Variants in SGCD observed in about 807,000 individuals in gnomAD.
SGCD encodes the protein delta-sarcoglycan.
In SGCD, 18 loss-of-function variants were observed where a neutral mutation model predicts 36.6. The observed-to-expected ratio is 0.49, with a 90% confidence interval of 0.34 to 0.73. The LOEUF (loss-of-function observed/expected upper bound fraction) is 0.73, where lower values mean the gene tolerates loss of function less well. SGCD is among the 30% of genes least tolerant of loss of function. SGCD has a pLI of 0.01. For missense variants in SGCD, 387 were observed against 346.7 expected, an observed-to-expected ratio of 1.12 and a Z score of -0.92; for synonymous variants, 133 against 130.6, an observed-to-expected ratio of 1.02 and a Z score of -0.12.
the SGCD span, among the ~76,000 whole-genome samples, chr5:155,739,463 G>A: frequency 1.3e-5 from 2 of 152,180 alleles, no homozygotes; most frequent in African/African-American, 4.8e-5. Context: ...TAAGGGTAAT[G>A]TATAACCATG....
chr5:156,351,498 T>C (rs569615462), intron 3 of SGCD, among the ~76,000 whole-genome samples: 57 of 152,126 alleles, frequency 3.7e-4, no homozygotes, highest in Admixed American at 2.0e-3. Flanking sequence ...GTAATGACAA[T>C]ACCTACCTCC....
chr5:156,088,457 T>G (rs948935033), intron 1 of SGCD, among the ~76,000 whole-genome samples: 3 of 152,004 alleles, frequency 2.0e-5, no homozygotes, highest in Admixed American at 6.6e-5. Flanking sequence ...CATTTTCCTG[T>G]GTAGGTGATA....
At chr5:156,206,823 T>C (rs1233295014) in intron 3 of SGCD, among the ~76,000 whole-genome samples, 1 of 151,940 alleles carries the variant, frequency 6.6e-6, no homozygotes, top group African/African-American at 2.4e-5. Context: ...AAGAAACAAG[T>C]AATTTTTTTA....
chr5:156,515,458 G>T (rs921486912), intron 4 of SGCD, among the ~76,000 whole-genome samples: 4 of 152,126 alleles, frequency 2.6e-5, no homozygotes, highest in African/African-American at 9.7e-5. Context: ...AGGTATCCAG[G>T]TTCTCTCACT....
At chr5:156,375,552 G>T (rs903025959) in intron 3 of SGCD, among the ~76,000 whole-genome samples, 3 of 152,084 alleles carry the variant, frequency 2.0e-5, no homozygotes, top group Non-Finnish European at 4.4e-5. Context: ...CTATAGCTGT[G>T]CTGTGTGATC....
the SGCD span, among the ~76,000 whole-genome samples, chr5:155,832,816 ATAAG>A: frequency 1.3e-5 from 2 of 151,472 alleles, no homozygotes; most frequent in Non-Finnish European, 2.9e-5. Context: ...ATTTTAATTA[ATAAG>A]TAAGTTTCAT....
chr5:156,362,565 G>A (rs1317005587), intron 3 of SGCD, among the ~76,000 whole-genome samples: 1 of 152,162 alleles, frequency 6.6e-6, no homozygotes, highest in East Asian at 1.9e-4. Flanking sequence ...AGAATCACTT[G>A]AACCCGGGAG....
chr5:155,968,271 T>A (rs1304372945), intron 1 of SGCD, among the ~76,000 whole-genome samples: 2 of 152,138 alleles, frequency 1.3e-5, no homozygotes, highest in Non-Finnish European at 2.9e-5. Context: ...AATCTTAGAA[T>A]TAGGAAATTT....
At chr5:156,014,732 A>T (rs556136702) in intron 1 of SGCD, among the ~76,000 whole-genome samples, 1 of 152,118 alleles carries the variant, frequency 6.6e-6, no homozygotes, top group Non-Finnish European at 1.5e-5. Context: ...CTTGTCCAAG[A>T]GCAGTTTATT....
the SGCD span, among the ~76,000 whole-genome samples, chr5:155,798,736 C>T: frequency 0.017 from 2,583 of 152,224 alleles, 83 homozygotes; most frequent in African/African-American, 0.058. Flanking sequence ...TGAAGGAGTA[C>T]ATTTAAAACA....
intron 1 of SGCD, among the ~76,000 whole-genome samples, chr5:156,058,296 C>A (rs1374352435): frequency 2.1e-5 from 3 of 146,322 alleles, no homozygotes; most frequent in Non-Finnish European, 3.1e-5. Flanking sequence ...CAGGAGACAA[C>A]CTAGATTCTT....
At chr5:156,367,616 C>T (rs1770172891) in intron 3 of SGCD, among the ~76,000 whole-genome samples, 1 of 151,170 alleles carries the variant, frequency 6.6e-6, no homozygotes, top group Admixed American at 6.6e-5. Context: ...GATCTTTGAC[C>T]CTGAAGGGAT....
intron 3 of SGCD, among the ~76,000 whole-genome samples, chr5:156,305,885 G>A (rs1416981296): frequency 6.6e-6 from 1 of 152,216 alleles, no homozygotes; most frequent in African/African-American, 2.4e-5. Flanking sequence ...TGACTGCCCT[G>A]CTGGATTTTA....
intron 3 of SGCD, among the ~76,000 whole-genome samples, chr5:156,432,507 G>A (rs368228663): frequency 2.6e-5 from 4 of 152,148 alleles, no homozygotes; most frequent in East Asian, 1.9e-4. Context: ...GGCATTGGGC[G>A]GGGCCATAAA....
intron 4 of SGCD, among the ~76,000 whole-genome samples, chr5:156,551,241 A>C (rs1448585863): frequency 6.6e-6 from 1 of 152,242 alleles, no homozygotes; most frequent in Non-Finnish European, 1.5e-5. Context: ...CCACAATTTC[A>C]GAACATCTTT....
chr5:156,696,092 G>C (rs1336984272), intron 7 of SGCD, among the ~76,000 whole-genome samples: 1 of 152,200 alleles, frequency 6.6e-6, no homozygotes, highest in Admixed American at 6.5e-5. Context: ...CTCACCTTGA[G>C]ACTCTGGAAC....
intron 3 of SGCD, among the ~76,000 whole-genome samples, chr5:156,189,480 G>A (rs151213865): frequency 1.4e-3 from 206 of 152,286 alleles, no homozygotes; most frequent in African/African-American, 4.7e-3. Context: ...TATGAAATGA[G>A]AGTTAGGAAA....
chr5:156,712,686 G>A (rs757548815), intron 7 of SGCD, among the ~76,000 whole-genome samples: 17 of 152,192 alleles, frequency 1.1e-4, no homozygotes, highest in Admixed American at 3.3e-4. Flanking sequence ...CCCAGTTCAC[G>A]CAGCGGAGCA....
intron 3 of SGCD, among the ~76,000 whole-genome samples, chr5:156,203,008 A>G (rs1043247075): frequency 6.6e-6 from 1 of 152,144 alleles, no homozygotes; most frequent in Non-Finnish European, 1.5e-5. Flanking sequence ...TGATATACTT[A>G]CATGCCTTGA....
Sources: gnomAD v4.1 joint callset for allele counts (sites outside exome capture counted in the v4.1 genomes callset) on GRCh38, gnomAD v4.1.1 for gene constraint, MANE v1.5 for transcripts, NCBI Gene and HGNC (gene_info 2026-07-23, HGNC 2026-07-21) for gene names.